MPHOSPH9: variants seen among roughly 807,000 people sequenced by gnomAD.
MPHOSPH9 encodes M-phase phosphoprotein 9.
A neutral mutation model predicts 145.5 loss-of-function variants in MPHOSPH9; 88 were observed. The observed-to-expected ratio is 0.60, with a 90% CI of 0.51 to 0.72. The LOEUF (loss-of-function observed/expected upper bound fraction) is 0.72, where lower values mean the gene tolerates loss of function less well. Among genes scored for constraint, MPHOSPH9 ranks in the 30% least tolerant of loss-of-function variants. MPHOSPH9 has a pLI of 0.00. For missense variants in MPHOSPH9, 1,238 were observed against 1,386.6 expected (o/e 0.89, Z 1.70); for synonymous variants, 435 against 486.2 (o/e 0.89, Z 1.39).
chr12:123,235,124 G>A (rs1178367234), upstream of MPHOSPH9, among the ~76,000 whole-genome samples: 1 of 152,176 alleles, frequency 6.6e-6, no homozygotes, highest in African/African-American at 2.4e-5. Flanking sequence ...CAGCCTTGTA[G>A]TTGAGAGATC....
chr12:123,219,779 T>G (rs967783470), intron 5 of MPHOSPH9, among the ~76,000 whole-genome samples: 11 of 152,138 alleles, frequency 7.2e-5, no homozygotes, highest in African/African-American at 2.7e-4. Context: ...TTGGGATAAA[T>G]TATGAAATTT....
intron 8 of MPHOSPH9, among the ~76,000 whole-genome samples, chr12:123,206,721 G>A (rs556298313): frequency 2.6e-5 from 4 of 151,176 alleles, no homozygotes; most frequent in Admixed American, 2.6e-4. Flanking sequence ...AGACCATCTT[G>A]GCCAACATGG....
intron 13 of MPHOSPH9, among the ~76,000 whole-genome samples, chr12:123,189,549 C>T (rs1328920315): frequency 1.3e-5 from 2 of 152,020 alleles, no homozygotes; most frequent in Admixed American, 6.6e-5. Flanking sequence ...ACATGATGGA[C>T]GACACAGGAA....
intron 16 of MPHOSPH9, among the ~76,000 whole-genome samples, chr12:123,171,600 T>G (rs2044583878): frequency 6.6e-6 from 1 of 151,266 alleles, no homozygotes; most frequent in African/African-American, 2.4e-5. Context: ...AATACAAAAA[T>G]TAACCAGGCA....
intron 11 of MPHOSPH9, among the ~76,000 whole-genome samples, chr12:123,199,298 T>C (rs998657857): frequency 1.3e-5 from 2 of 152,190 alleles, no homozygotes; most frequent in African/African-American, 4.8e-5. Flanking sequence ...ATTCTTATAA[T>C]TAACTTCCTT....
intron 13 of MPHOSPH9, among the ~76,000 whole-genome samples, chr12:123,190,342 C>T (rs529746283): frequency 6.6e-6 from 1 of 151,908 alleles, no homozygotes; most frequent in South Asian, 2.1e-4. Context: ...TTAGTAGAGA[C>T]GGGGTTTCAA....
At chr12:123,218,880 T>C (rs924692791) in intron 5 of MPHOSPH9, among the ~76,000 whole-genome samples, 1 of 125,322 alleles carries the variant, frequency 8.0e-6, no homozygotes, top group Non-Finnish European at 1.8e-5. Context: ...CTTTCAGTTG[T>C]TGTGTGTGTG....
intron 2 of MPHOSPH9, among the ~76,000 whole-genome samples, chr12:123,229,026 T>C (rs953303424): frequency 1.3e-5 from 2 of 152,250 alleles, no homozygotes. Flanking sequence ...CACATATTCC[T>C]TTGTTTTTTA....
rs796490568 is a variant in MPHOSPH9 at position 123,224,112 on chromosome 12, A to T, written c.259-985T>A. Among the ~76,000 whole-genome samples the T allele has an allele frequency of 4.0e-4, 42 of 103,978 alleles. 1 individual carries two copies. Among genetic ancestry groups the T allele is most frequent in the African/African-American group, 2.8e-3 (30 of 10,572 alleles). The allele number at this position is 103,978 out of a possible 152,430, so 68.2% of individuals were successfully genotyped here. On this transcript the variant is annotated intron_variant, in intron 3 of 23. Transcript: ENST00000606320. ...ACCATGTTCGGCTAATTGCTAATTT[A>T]TATATATATATATACACATTTTTTT...
Position 123,162,177 on chromosome 12 carries a change from G to C in MPHOSPH9, c.3071C>G (p.Ser1024Cys). 6.3e-7 allele frequency: 1 copy of C among 1,584,358 alleles called. No individual in the cohort carries two copies. The highest frequency in any genetic ancestry group is 8.6e-7 in the Non-Finnish European group (1 of 1,163,166). Residue 1024 changes from serine to cysteine, a missense_variant, in exon 21 of 24, where the codon TCT becomes TGT. Ser to Cys is a moderately radical substitution (Grantham distance 112, BLOSUM62 -1). Transcript: ENST00000606320. ...TCTTGGATTGGTACGTTGTAATGTAGACACAGGAACAGTATCTAAATCATC... is the reference window on the plus strand; with the variant it reads ...TCTTGGATTGGTACGTTGTAATGTACACACAGGAACAGTATCTAAATCATC... ...LLDDLDTVPVSTLQRTNPRKQ... is the reference protein window; with the variant it reads ...LLDDLDTVPVCTLQRTNPRKQ...
At chr12:123,209,716 G>A (rs555646866) in intron 8 of MPHOSPH9, among the ~76,000 whole-genome samples, 1 of 149,770 alleles carries the variant, frequency 6.7e-6, no homozygotes, top group South Asian at 2.1e-4. Flanking sequence ...CCAGTCCACG[G>A]TGTGTGTGTT....
intron 7 of MPHOSPH9, among the ~76,000 whole-genome samples, chr12:123,210,904 T>C (rs1470355505): frequency 1.3e-5 from 2 of 150,146 alleles, no homozygotes; most frequent in Non-Finnish European, 3.0e-5. Context: ...GCAATTCTCC[T>C]GCCTCAGCCT....
intron 11 of MPHOSPH9, among the ~76,000 whole-genome samples, chr12:123,201,907 C>G (rs2046239300): frequency 6.6e-6 from 1 of 152,114 alleles, no homozygotes; most frequent in African/African-American, 2.4e-5. Flanking sequence ...TAGTACTGCT[C>G]CTCCCATCAA....
intron 3 of MPHOSPH9, chr12:123,226,475 G>A (rs903627487): frequency 1.3e-5 from 3 of 239,952 alleles, no homozygotes; most frequent in Non-Finnish European, 2.2e-5. Flanking sequence ...CCAGCCTTAG[G>A]AAAGTCTATC....
intron 7 of MPHOSPH9, among the ~76,000 whole-genome samples, chr12:123,213,345 A>G (rs1377681858): frequency 6.7e-6 from 1 of 148,922 alleles, no homozygotes; most frequent in African/African-American, 2.5e-5. Flanking sequence ...TGCATTTTCA[A>G]TTTTTTTTTT....
Position 123,197,950 on chromosome 12 carries a change from G to A in MPHOSPH9, c.2025+297C>T, listed in dbSNP as rs530329906. On this transcript the variant is annotated intron_variant, in intron 12 of 23. Transcript: ENST00000606320. ...ATACAAAAAATTAGCTGGGCGTGGT[G>A]GAGGGCGCCTGTAGTCCCAGCTACT... Among the ~76,000 whole-genome samples the A allele has an allele frequency of 3.9e-5, 6 of 151,940 alleles. 1 individual carries two copies. In the South Asian group the frequency reaches 1.0e-3, roughly 26 times the overall value.
At chr12:123,164,732 CACA>C (rs1451237833) in intron 18 of MPHOSPH9, among the ~76,000 whole-genome samples, 1 of 152,144 alleles carries the variant, frequency 6.6e-6, no homozygotes, top group East Asian at 1.9e-4. Context: ...CGCCTGTAAT[CACA>C]ACACTTTGTG....
At chr12:123,206,069 T>A (rs1026592910) in intron 8 of MPHOSPH9, among the ~76,000 whole-genome samples, 4 of 151,918 alleles carry the variant, frequency 2.6e-5, no homozygotes, top group Admixed American at 2.6e-4. Flanking sequence ...CTTTCTATTC[T>A]TTTTAAAGAA....
At chr12:123,222,795 G>A (rs2047262273) in intron 4 of MPHOSPH9, among the ~76,000 whole-genome samples, 1 of 152,112 alleles carries the variant, frequency 6.6e-6, no homozygotes, top group African/African-American at 2.4e-5. Flanking sequence ...AATTAGCTGG[G>A]CGTGTTGGCA....
Sources: allele counts gnomAD v4.1 joint callset (sites outside exome capture counted in the v4.1 genomes callset), GRCh38; gene constraint gnomAD v4.1.1; transcripts MANE v1.5; gene names NCBI Gene and HGNC (gene_info 2026-07-23, HGNC 2026-07-21).